DSCAML1: variants seen among roughly 807,000 people sequenced by gnomAD.
DSCAML1 encodes the protein cell adhesion molecule DSCAML1.
Under a neutral mutation model 200.5 loss-of-function variants are expected in DSCAML1, and 38 were observed. That is an observed-to-expected ratio of 0.19 (90% CI 0.15 to 0.25). The LOEUF is 0.25. Ranked by LOEUF, DSCAML1 falls within the 10% of genes least tolerant of loss-of-function variation. The pLI, the probability that DSCAML1 is intolerant of heterozygous loss-of-function variation, is 1.00. For synonymous variants in DSCAML1, 1,215 were observed against 1,165.0 expected, an observed-to-expected ratio of 1.04 and a Z score of -0.87; for missense variants, 2,223 against 2,858.8, an observed-to-expected ratio of 0.78 and a Z score of 5.07.
At chr11:117,805,003 G>A (rs116708545) in intron 1 of DSCAML1, among the ~76,000 whole-genome samples, 1,556 of 152,240 alleles carry the variant, frequency 0.01, 26 homozygotes, top group African/African-American at 0.035. Context: ...CCAGTCCAGC[G>A]CCATCACCCC....
intron 3 of DSCAML1, among the ~76,000 whole-genome samples, chr11:117,592,848 C>T (rs546698697): frequency 5.3e-5 from 8 of 152,318 alleles, no homozygotes; most frequent in East Asian, 3.9e-4. Flanking sequence ...GACCAGGCTC[C>T]GTGCTGCTGC....
At chr11:117,703,558 C>A (rs1471891992) in intron 3 of DSCAML1, among the ~76,000 whole-genome samples, 1 of 152,194 alleles carries the variant, frequency 6.6e-6, no homozygotes, top group Non-Finnish European at 1.5e-5. Context: ...ATTTTAGGCC[C>A]ATTAGCCCAT....
At chr11:117,677,098 G>A (rs1287985651) in intron 3 of DSCAML1, among the ~76,000 whole-genome samples, 5 of 152,224 alleles carry the variant, frequency 3.3e-5, no homozygotes, top group Non-Finnish European at 7.3e-5. Context: ...TCTTAGGTTT[G>A]AATCTCCAAG....
At chr11:117,458,991 C>A (rs1202350182) in intron 18 of DSCAML1, 82 bp from the exon 19 acceptor site, 29 of 1,535,408 alleles carry the variant, frequency 1.9e-5, no homozygotes, top group Non-Finnish European at 2.4e-5. Context: ...TGGGCTCTGC[C>A]CACACCTACT....
At chr11:117,648,481 T>G (rs1173752382) in intron 3 of DSCAML1, among the ~76,000 whole-genome samples, 1 of 152,154 alleles carries the variant, frequency 6.6e-6, no homozygotes, top group Non-Finnish European at 1.5e-5. Flanking sequence ...TAAAACGTGA[T>G]CAAAGAAAAG....
intron 3 of DSCAML1, among the ~76,000 whole-genome samples, chr11:117,621,257 T>C (rs2051923935): frequency 6.6e-6 from 1 of 152,258 alleles, no homozygotes; most frequent in South Asian, 2.1e-4. Flanking sequence ...ACTCTTTTTA[T>C]TGGTTGTCCT....
chr11:117,608,598 A>G (rs576727727), intron 3 of DSCAML1, among the ~76,000 whole-genome samples: 1 of 152,248 alleles, frequency 6.6e-6, no homozygotes, highest in African/African-American at 2.4e-5. Context: ...TGCCCATGAG[A>G]TAGTCCATTG....
In DSCAML1 at chr11:117,516,575, G is replaced by A. The variant is rs1292729587; in HGVS notation, c.1675C>T (p.Leu559Phe). The change falls in exon 8 of 33, where the codon CTC (leucine) becomes TTC (phenylalanine). Residue 559 changes from leucine to phenylalanine, a missense_variant. Physicochemically the swap from Leu to Phe is conservative, Grantham distance 22. This residue lies in a region of DSCAML1 where 212 missense variants were observed against 368.0 expected (regional missense o/e 0.58). Transcript: ENST00000651296. This position sits in a 1 kb window ranked among gnomAD's most constrained non-coding sequence, Gnocchi z 5.7. ...HRQVVFENGT[L>F]KLTDVQKGMD... ...CCCTTCTGCACGTCAGTCAGCTTGA[G>A]GGTCCCATTCTCAAACACCACCTGG... 6.2e-7 allele frequency: 1 copy of A among 1,613,990 alleles called. No individual in the cohort carries two copies. The highest frequency in any genetic ancestry group is 8.5e-7 in the Non-Finnish European group (1 of 1,180,032).
intron 3 of DSCAML1, among the ~76,000 whole-genome samples, chr11:117,767,872 G>T (rs149658090): frequency 3.0e-4 from 46 of 152,278 alleles, no homozygotes; most frequent in Non-Finnish European, 5.3e-4. Context: ...TTCCCTCCGA[G>T]GGTTCCAAGC....
At chr11:117,533,350 C>T (rs1252797237) in intron 3 of DSCAML1, among the ~76,000 whole-genome samples, 4 of 152,236 alleles carry the variant, frequency 2.6e-5, no homozygotes, top group East Asian at 1.9e-4. Context: ...TGGCCCAGGT[C>T]GCACAGCCAG....
At chr11:117,709,911 A>C (rs1412033058) in intron 3 of DSCAML1, among the ~76,000 whole-genome samples, 1 of 152,200 alleles carries the variant, frequency 6.6e-6, no homozygotes, top group Non-Finnish European at 1.5e-5. Context: ...CCTGGCTCAG[A>C]GCCCCTGCCT....
chr11:117,445,013 CTAA>C (rs2048147722), intron 20 of DSCAML1, among the ~76,000 whole-genome samples: 1 of 152,110 alleles, frequency 6.6e-6, no homozygotes, highest in Non-Finnish European at 1.5e-5. Context: ...CCAGAGGGAG[CTAA>C]TAATTAGTTA....
At position 117,528,210 on chromosome 11, in the gene DSCAML1, G is replaced by T. The variant is rs946146230; in HGVS notation, c.659-3127C>A. Among the ~76,000 whole-genome samples the T allele has an allele frequency of 2.6e-5, 4 of 152,178 alleles. No homozygotes were observed. In the South Asian group the frequency reaches 8.3e-4, roughly 32 times the overall value. ...AATGGCTGGGATAAACAAACCCAGTGCCAAGGAAGAATTACTCAATGTGAC... is the reference window on the plus strand; with the variant it reads ...AATGGCTGGGATAAACAAACCCAGTTCCAAGGAAGAATTACTCAATGTGAC... On this transcript the variant is annotated intron_variant, in intron 4 of 32. Coordinates refer to ENST00000651296, the MANE Select transcript of DSCAML1 (RefSeq NM_020693.4).
intron 8 of DSCAML1, among the ~76,000 whole-genome samples, chr11:117,511,351 A>G (rs2049613980): frequency 6.6e-6 from 1 of 152,152 alleles, no homozygotes. Context: ...GGAAGCTCAG[A>G]TGTAGGAATG....
At chr11:117,486,286 GAAAATGGCAGATGTGAAAGTAGTGGATGT>G (rs1248750889) in intron 11 of DSCAML1, among the ~76,000 whole-genome samples, 14 of 150,646 alleles carry the variant, frequency 9.3e-5, no homozygotes, top group African/African-American at 3.2e-4. Context: ...TGGCGGATGT[GAAAATGGCAGATGTGAAAGTAGTGGATGT>G]GAAAGTAGCG....
intron 3 of DSCAML1, among the ~76,000 whole-genome samples, chr11:117,635,225 A>G (rs2052254038): frequency 6.6e-6 from 1 of 152,210 alleles, no homozygotes; most frequent in Admixed American, 6.5e-5. Context: ...TTTGATGCAC[A>G]GAAGTGGGAG....
chr11:117,657,075 G>A (rs1042126369), intron 3 of DSCAML1, among the ~76,000 whole-genome samples: 2 of 152,158 alleles, frequency 1.3e-5, no homozygotes, highest in Non-Finnish European at 2.9e-5. Flanking sequence ...TGGGCTGCAG[G>A]GCGCTCCACA....
intron 21 of DSCAML1, among the ~76,000 whole-genome samples, chr11:117,441,586 C>A (rs1404014617): frequency 6.6e-6 from 1 of 152,084 alleles, no homozygotes; most frequent in Non-Finnish European, 1.5e-5. Context: ...TGGGAGATCG[C>A]CAGGCCCAGA....
rs1555179270 is a variant in DSCAML1, at chr11:117,512,643, T to TGTACACACACAC, written c.1783+3823_1783+3824insGTGTGTGTGTAC. Among the ~76,000 whole-genome samples the TGTACACACACAC allele has an allele frequency of 3.9e-4, 49 of 125,230 alleles. No homozygotes were observed. The South Asian group carries it at 5.1e-3, about 13-fold the overall frequency. 82.2% of individuals were successfully genotyped at this position (125,230 alleles called of 152,430 possible). On this transcript the variant is annotated intron_variant, in intron 8 of 32. Coordinates refer to ENST00000651296, the MANE Select transcript of DSCAML1 (RefSeq NM_020693.4). ...GGGAAGGTGTGCATGCAAGCGTGTG[T>TGTACACACACAC]ACACACACACACACACACACACACA...
Sources: allele counts gnomAD v4.1 joint callset (sites outside exome capture counted in the v4.1 genomes callset), GRCh38; gene constraint gnomAD v4.1.1; regional missense constraint gnomAD v4.1.1; non-coding constraint Gnocchi (gnomAD v3.1); transcripts MANE v1.5; gene names NCBI Gene and HGNC (gene_info 2026-07-23, HGNC 2026-07-21).